Variants in JAKMIP1 observed in about 807,000 individuals in gnomAD.
JAKMIP1 encodes janus kinase and microtubule interacting protein 1.
JAKMIP1 carries 33 observed loss-of-function variants against 113.0 expected under a neutral mutation model. The ratio of observed to expected loss-of-function variants is 0.29; its 90% CI spans 0.22 to 0.39. The LOEUF (loss-of-function observed/expected upper bound fraction) is 0.39, where lower values mean the gene tolerates loss of function less well. Ranked by LOEUF, JAKMIP1 falls within the 10% of genes least tolerant of loss-of-function variation. The pLI, the probability that JAKMIP1 is intolerant of heterozygous loss-of-function variation, is 1.00. For missense variants in JAKMIP1, 813 were observed against 1,080.5 expected, an observed-to-expected ratio of 0.75 and a Z score of 3.47; for synonymous variants, 480 against 459.9, an observed-to-expected ratio of 1.04 and a Z score of -0.56.
In JAKMIP1 at chr4:6,185,375, C is replaced by T. The variant is rs1029645725; in HGVS notation, c.-148+14878G>A. On this transcript the variant is annotated intron_variant, in intron 1 of 20. Transcript: ENST00000409021. This position sits in a 1 kb window ranked among gnomAD's most constrained non-coding sequence, Gnocchi z 5.3. Reference sequence around the variant, plus strand: ...AAAGCCAGACCCCAGGGGCCGGGCACGGTGGCTCACGCCTGTAATCCCAGC... The same window carrying T: ...AAAGCCAGACCCCAGGGGCCGGGCATGGTGGCTCACGCCTGTAATCCCAGC... Among the ~76,000 whole-genome samples, 24 of 152,050 alleles carry T rather than the reference C, an allele frequency of 1.6e-4. No homozygotes were observed. The highest frequency in any genetic ancestry group is 2.9e-4 in the Non-Finnish European group (20 of 68,022).
intron 18 of JAKMIP1, 113 bp from the exon 19 acceptor site, chr4:6,036,220 G>C (rs1713413111): frequency 2.4e-6 from 2 of 816,662 alleles, no homozygotes; most frequent in Admixed American, 5.3e-5. Flanking sequence ...CGGGCAGGGA[G>C]GGGCAACTGG....
intron 1 of JAKMIP1, among the ~76,000 whole-genome samples, chr4:6,161,344 A>G (rs1722933855): frequency 7.1e-6 from 1 of 140,700 alleles, no homozygotes; most frequent in Admixed American, 6.8e-5. Flanking sequence ...TAGCCTCCAC[A>G]TTGCAAGACT....
At chr4:6,165,760 T>A (rs1040912771) in intron 1 of JAKMIP1, among the ~76,000 whole-genome samples, 11 of 151,486 alleles carry the variant, frequency 7.3e-5, no homozygotes, top group Non-Finnish European at 2.9e-5. Context: ...CTTTATTGAG[T>A]GGTCTGGAAC....
At position 6,105,824 on chromosome 4, in the gene JAKMIP1, G is replaced by A. The variant is rs375994323; in HGVS notation, c.273C>T (p.Leu91=). 5 of 1,610,846 alleles carry A rather than the reference G, an allele frequency of 3.1e-6. No individual in the cohort carries two copies. In the African/African-American group the frequency reaches 4.0e-5, roughly 13 times the overall value. ...CCGCCTCCTGCTCGTGCTGCCGGAT[G>A]AGCCCCTCGCGCAGCGCCTGCAGCT... is the stretch of plus-strand genomic sequence containing the variant. ...TKELQALREG[L]IRQHEQEAAR... is the part of the protein sequence containing the mutation. The change falls in exon 3 of 21, where the codon CTC becomes CTT. Residue 91 remains leucine (L), a synonymous_variant. Coordinates refer to ENST00000409021, the MANE Select transcript of JAKMIP1 (RefSeq NM_001099433.2).
chr4:6,052,937 A>G (rs956856733), intron 13 of JAKMIP1, among the ~76,000 whole-genome samples: 4 of 152,214 alleles, frequency 2.6e-5, no homozygotes, highest in African/African-American at 9.7e-5. Context: ...CCCTGCCCAC[A>G]CGACAAGGTA....
chr4:6,138,956 G>A lies in JAKMIP1; in HGVS notation c.-147-25959C>T, dbSNP rs182222876. Among the ~76,000 whole-genome samples the A allele has an allele frequency of 3.9e-5, 6 of 152,246 alleles. No homozygotes were observed. Among genetic ancestry groups the A allele is most frequent in the Admixed American group, 2.6e-4 (4 of 15,306 alleles). ...TCCTGGGCTTACTGAACTCTCACGA[G>A]CCTTCATCTGGCTGGAATATGTCTC... On this transcript the variant is annotated intron_variant, in intron 1 of 20. Coordinates refer to ENST00000409021, the MANE Select transcript of JAKMIP1 (RefSeq NM_001099433.2). This position sits in a 1 kb window ranked among gnomAD's most constrained non-coding sequence, Gnocchi z 6.0.
In JAKMIP1 at chr4:6,193,308, C is replaced by A. The variant is rs1727484264; in HGVS notation, c.-148+6945G>T. On this transcript the variant is annotated intron_variant, in intron 1 of 20. Transcript: ENST00000409021. The surrounding 1 kb of genome is among the most constrained non-coding windows in gnomAD (Gnocchi z 6.4). Reference sequence around the variant, plus strand: ...ATTCAGACTGATCCGCCACTGGTTTCTTTGCTCCTCAACTTGCAGACAGCC... The same window carrying A: ...ATTCAGACTGATCCGCCACTGGTTTATTTGCTCCTCAACTTGCAGACAGCC... Among the ~76,000 whole-genome samples, 1 of 152,184 alleles carries A rather than the reference C, an allele frequency of 6.6e-6. No homozygotes were observed.
rs542433277 is a variant in JAKMIP1 at position 6,050,009 on chromosome 4, G to T, written c.1909-137C>A. The T allele has an allele frequency of 6.2e-6, 4 of 647,736 alleles. No homozygotes were observed. The highest frequency in any genetic ancestry group is 8.3e-6 in the Non-Finnish European group (3 of 363,226). The allele number at this position is 647,736 out of a possible 1,614,324, so 40.1% of individuals were successfully genotyped here. A position where few individuals can be genotyped will look rare whatever the true frequency, so the allele number is the denominator to read the frequency against. The stretch of plus-strand genomic sequence containing the variant: ...TTCTGGCCAAGTTTTGCGCCCAGCC[G>T]TTCCTCTGGGGAGTGAGGGAGAGAA... On this transcript the variant is annotated intron_variant, in intron 14 of 20. Coordinates refer to ENST00000409021, the MANE Select transcript of JAKMIP1 (RefSeq NM_001099433.2). The surrounding 1 kb of genome is among the most constrained non-coding windows in gnomAD (Gnocchi z 7.4).
Position 6,080,300 on chromosome 4 carries a change from A to T in JAKMIP1, c.1114T>A (p.Ser372Thr). The T allele has an allele frequency of 6.2e-7, 1 of 1,613,874 alleles. No homozygotes were observed. The highest frequency in any genetic ancestry group is 8.5e-7 in the Non-Finnish European group (1 of 1,179,878). Residue 372 changes from serine (S) to threonine (T), a missense_variant, in exon 7 of 21, where the codon TCA becomes ACA. Around this residue, in one of 2 missense-constraint regions of JAKMIP1, gnomAD observed 540 missense variants for 653.9 expected, o/e 0.83. Transcript: ENST00000409021. This position sits in a 1 kb window ranked among gnomAD's most constrained non-coding sequence, Gnocchi z 6.0. ...RENVEMKEKL[S>T]AQASLKRHTS... ...TGCCGCTTCAGAGACGCCTGCGCTG[A>T]CAGCTTTTCTTTCTGCAGCCACAGG...
At chr4:6,060,889 C>T (rs1353998595) in intron 10 of JAKMIP1, among the ~76,000 whole-genome samples, 1 of 152,248 alleles carries the variant, frequency 6.6e-6, no homozygotes, top group Admixed American at 6.5e-5. Flanking sequence ...GCTCATTCAG[C>T]CATCATCAGA....
chr4:6,062,916 G>A (rs1717516948), intron 9 of JAKMIP1, among the ~76,000 whole-genome samples: 1 of 152,240 alleles, frequency 6.6e-6, no homozygotes, highest in Admixed American at 6.5e-5. Context: ...GGAGGCTGAG[G>A]CAGATCACCT....
chr4:6,168,590 T>C lies in JAKMIP1; in HGVS notation c.-148+31663A>G, dbSNP rs746240032. Among the ~76,000 whole-genome samples the C allele has an allele frequency of 2.6e-5, 4 of 152,082 alleles. No homozygotes were observed. The highest frequency in any genetic ancestry group is 9.7e-5 in the African/African-American group (4 of 41,418). ...TTCCATTTAGATTAAATGTCTAGAA[T>C]AGGGAAATCCATAGGGATGGCCAGG... On this transcript the variant is annotated intron_variant, in intron 1 of 20. Coordinates refer to ENST00000409021, the MANE Select transcript of JAKMIP1 (RefSeq NM_001099433.2). This position sits in a 1 kb window ranked among gnomAD's most constrained non-coding sequence, Gnocchi z 4.6.
chr4:6,135,388 A>C lies in JAKMIP1; in HGVS notation c.-147-22391T>G, dbSNP rs907775424. Among the ~76,000 whole-genome samples, 5 of 152,102 alleles carry C rather than the reference A, an allele frequency of 3.3e-5. No homozygotes were observed. Among genetic ancestry groups the C allele is most frequent in the African/African-American group, 1.2e-4 (5 of 41,408 alleles). On this transcript the variant is annotated intron_variant, in intron 1 of 20. Transcript: ENST00000409021. This position sits in a 1 kb window ranked among gnomAD's most constrained non-coding sequence, Gnocchi z 4.9. ...TACAAGCCAAGGAGAGAGGCTTCGG[A>C]AGAAACCAACCCTGGTGGCAGCTTG...
intron 10 of JAKMIP1, 43 bp downstream of exon 10, chr4:6,062,269 G>A (rs1187322864): frequency 6.2e-7 from 1 of 1,608,190 alleles, no homozygotes; most frequent in Non-Finnish European, 8.5e-7. Context: ...ACATGACCTG[G>A]CCTTCGGCCC....
Position 6,088,149 on chromosome 4 carries a change from G to A in JAKMIP1, c.625-2520C>T, listed in dbSNP as rs1278764133. Reference sequence around the variant, plus strand: ...TATCAGTGGGTGCTGAGAAACATTAGAGAGCAAAAGAGACCAGCCGCCCTG... The same window carrying A: ...TATCAGTGGGTGCTGAGAAACATTAAAGAGCAAAAGAGACCAGCCGCCCTG... On this transcript the variant is annotated intron_variant, in intron 3 of 20. Transcript: ENST00000409021. This position sits in a 1 kb window ranked among gnomAD's most constrained non-coding sequence, Gnocchi z 5.5. Among the ~76,000 whole-genome samples, 1 of 152,220 alleles carries A rather than the reference G, an allele frequency of 6.6e-6. No homozygotes were observed. The highest frequency in any genetic ancestry group is 2.4e-5 in the African/African-American group (1 of 41,454).
At chr4:6,063,423 C>G (rs1423382367) in intron 9 of JAKMIP1, among the ~76,000 whole-genome samples, 1 of 152,236 alleles carries the variant, frequency 6.6e-6, no homozygotes, top group Non-Finnish European at 1.5e-5. Context: ...GAACAAGACC[C>G]TAAAGCCTGA....
intron 1 of JAKMIP1, among the ~76,000 whole-genome samples, chr4:6,169,635 G>GTA (rs1724104715): frequency 2.0e-5 from 3 of 151,494 alleles, no homozygotes. Context: ...GTGTGTGTGT[G>GTA]TGTGTGAATT....
rs576790201 is a variant in JAKMIP1, at chr4:6,081,476, A to G, written c.1101+133T>C. The G allele has an allele frequency of 1.6e-5, 15 of 945,036 alleles. No individual in the cohort carries two copies. The highest frequency in any genetic ancestry group is 2.4e-5 in the Non-Finnish European group (15 of 615,898). 58.5% of individuals were successfully genotyped at this position (945,036 alleles called of 1,614,324 possible). A position where few individuals can be genotyped will look rare whatever the true frequency, so the allele number is the denominator to read the frequency against. On this transcript the variant is annotated intron_variant, in intron 6 of 20. Coordinates refer to ENST00000409021, the MANE Select transcript of JAKMIP1 (RefSeq NM_001099433.2). The surrounding 1 kb of genome is among the most constrained non-coding windows in gnomAD (Gnocchi z 4.6). Reference sequence around the variant, plus strand: ...GAAAGGCGAGACATCTGTGACTGACACTGTGCCTGGTGCTTTGTGGGGAGG... The same window carrying G: ...GAAAGGCGAGACATCTGTGACTGACGCTGTGCCTGGTGCTTTGTGGGGAGG...
At chr4:6,170,317 C>T (rs1346292765) in intron 1 of JAKMIP1, among the ~76,000 whole-genome samples, 2 of 150,096 alleles carry the variant, frequency 1.3e-5, no homozygotes, top group East Asian at 2.0e-4. Flanking sequence ...TAACCCTCTC[C>T]ACCATCACCA....
Sources: allele counts gnomAD v4.1 joint callset (sites outside exome capture counted in the v4.1 genomes callset), GRCh38; gene constraint gnomAD v4.1.1; regional missense constraint gnomAD v4.1.1; non-coding constraint Gnocchi (gnomAD v3.1); transcripts MANE v1.5; gene names NCBI Gene and HGNC (gene_info 2026-07-23, HGNC 2026-07-21).